The following SH3GL3 variants were observed in gnomAD, a reference collection of about 807,000 sequenced individuals.
SH3GL3 encodes the protein endophilin-A3.
SH3GL3 carries 33 observed loss-of-function variants against 47.7 expected under a neutral mutation model. That is an observed-to-expected ratio of 0.69 (90% CI 0.52 to 0.92). The LOEUF is 0.92. Among genes scored for constraint, SH3GL3 ranks in the 40% least tolerant of loss-of-function variants. The pLI is 0.00. For synonymous variants in SH3GL3, 155 were observed against 148.8 expected (o/e 1.04, Z -0.30); for missense variants, 363 against 417.8 (o/e 0.87, Z 1.14).
chr15:83,597,538 A>G (rs1043276351), intron 8 of SH3GL3, among the ~76,000 whole-genome samples: 5 of 151,798 alleles, frequency 3.3e-5, no homozygotes, highest in African/African-American at 1.2e-4. Flanking sequence ...TAGACCTTTC[A>G]TATTCCTCTG....
chr15:83,586,023 G>A (rs1239938162), intron 6 of SH3GL3, among the ~76,000 whole-genome samples: 1 of 152,234 alleles, frequency 6.6e-6, no homozygotes, highest in African/African-American at 2.4e-5. Flanking sequence ...AGAAAATGAA[G>A]TATGGAAATG....
intron 1 of SH3GL3, among the ~76,000 whole-genome samples, chr15:83,549,221 A>G (rs529133409): frequency 9.9e-5 from 15 of 152,282 alleles, no homozygotes; most frequent in Admixed American, 7.8e-4. Context: ...CAATACTGGG[A>G]TTACCTGTTG....
intron 1 of SH3GL3, among the ~76,000 whole-genome samples, chr15:83,531,946 T>C (rs2043693458): frequency 6.6e-6 from 1 of 152,166 alleles, no homozygotes; most frequent in African/African-American, 2.4e-5. Flanking sequence ...GGTTTTTATT[T>C]GGAAGGTGTT....
At chr15:83,598,922 GATGTA>G (rs1401734822) in intron 8 of SH3GL3, among the ~76,000 whole-genome samples, 19 of 152,198 alleles carry the variant, frequency 1.2e-4, no homozygotes, top group Admixed American at 1.1e-3. Flanking sequence ...TACATTTTTT[GATGTA>G]ATGTTTCAGT....
At chr15:83,582,256 A>G (rs926044457) in intron 6 of SH3GL3, among the ~76,000 whole-genome samples, 6 of 152,202 alleles carry the variant, frequency 3.9e-5, no homozygotes, top group African/African-American at 9.6e-5. Flanking sequence ...GAAGATGCCT[A>G]TTTCAGTCCA....
intron 1 of SH3GL3, among the ~76,000 whole-genome samples, chr15:83,556,908 A>C (rs1468442640): frequency 1.3e-5 from 2 of 152,168 alleles, no homozygotes; most frequent in Non-Finnish European, 2.9e-5. Context: ...GGGATGGCTG[A>C]TCTCTGATCC....
intron 1 of SH3GL3, among the ~76,000 whole-genome samples, chr15:83,465,521 A>C (rs2040531903): frequency 6.6e-6 from 1 of 151,814 alleles, no homozygotes; most frequent in Non-Finnish European, 1.5e-5. Flanking sequence ...TATTCTAAGA[A>C]AGGTCATTCT....
chr15:83,486,789 G>A (rs1487919838), intron 1 of SH3GL3, among the ~76,000 whole-genome samples: 1 of 152,136 alleles, frequency 6.6e-6, no homozygotes, highest in Admixed American at 6.5e-5. Flanking sequence ...AGTTATGGAG[G>A]CTGGGAAGTC....
At chr15:83,602,620 A>G (rs575998341) in intron 8 of SH3GL3, among the ~76,000 whole-genome samples, 1 of 152,312 alleles carries the variant, frequency 6.6e-6, no homozygotes, top group African/African-American at 2.4e-5. Context: ...TTAAGTTTCA[A>G]CAGATGAGTT....
intron 8 of SH3GL3, among the ~76,000 whole-genome samples, chr15:83,613,263 A>T (rs1426147023): frequency 6.6e-6 from 1 of 152,220 alleles, no homozygotes; most frequent in Admixed American, 6.5e-5. Context: ...TGCCTGAGTC[A>T]GGGAGTTCTT....
chr15:83,565,376 A>G (rs1186312954), intron 3 of SH3GL3, 170 bp downstream of exon 3: 2 of 598,568 alleles, frequency 3.3e-6, no homozygotes, highest in African/African-American at 1.9e-5. Context: ...ATTCGGTCCT[A>G]CTGATGAGAA....
the SH3GL3 span, among the ~76,000 whole-genome samples, chr15:83,631,241 C>A: frequency 1.3e-5 from 2 of 152,220 alleles, no homozygotes; most frequent in Non-Finnish European, 2.9e-5. Flanking sequence ...AGGTATAGCA[C>A]CCCTCCTGGC....
intron 1 of SH3GL3, among the ~76,000 whole-genome samples, chr15:83,552,154 C>G (rs1344466836): frequency 6.6e-6 from 1 of 152,142 alleles, no homozygotes; most frequent in Non-Finnish European, 1.5e-5. Flanking sequence ...AGTGACTGAT[C>G]TTTGCATCTC....
chr15:83,541,351 T>TTTTTTG (rs2151701576), intron 1 of SH3GL3, among the ~76,000 whole-genome samples: 1 of 107,350 alleles, frequency 9.3e-6, no homozygotes, highest in Non-Finnish European at 1.8e-5. Flanking sequence ...TTTTTTTTTT[T>TTTTTTG]GAGACGGAGT....
intron 8 of SH3GL3, among the ~76,000 whole-genome samples, chr15:83,614,418 G>A (rs2060757304): frequency 6.6e-6 from 1 of 152,160 alleles, no homozygotes; most frequent in African/African-American, 2.4e-5. Flanking sequence ...GAGTTTCAAA[G>A]TCACGACCCA....
At chr15:83,613,057 C>T (rs2060713814) in intron 8 of SH3GL3, among the ~76,000 whole-genome samples, 1 of 152,216 alleles carries the variant, frequency 6.6e-6, no homozygotes, top group Admixed American at 6.5e-5. Context: ...GGGTTGAGGG[C>T]CCCAGGCAAC....
At chr15:83,535,145 T>C (rs552492370) in intron 1 of SH3GL3, among the ~76,000 whole-genome samples, 3 of 152,282 alleles carry the variant, frequency 2.0e-5, no homozygotes, top group African/African-American at 7.2e-5. Context: ...ATACAGTTTT[T>C]TTATTTAAAA....
rs571748862 is a variant in SH3GL3, at chr15:83,450,292, G to A, written c.45+2714G>A. ...GAAATATATCTCAATAAAGTGATAC[G>A]AATATGTCTCTGTGTCTCTGGGTGT... On this transcript the variant is annotated intron_variant, in intron 1 of 8. Transcript: ENST00000427482. 2.6e-5 allele frequency among the ~76,000 whole-genome samples: 4 copies of A among 152,268 alleles called. No homozygotes were observed. In the East Asian group the frequency reaches 7.7e-4, roughly 29 times the overall value.
chr15:83,570,032 T>C (rs2151765063), intron 4 of SH3GL3, among the ~76,000 whole-genome samples: 1 of 148,614 alleles, frequency 6.7e-6, no homozygotes, highest in Middle Eastern at 3.4e-3. Context: ...TCTTTAGTCT[T>C]CCTATATGGT....
Sources: allele counts gnomAD v4.1 joint callset (sites outside exome capture counted in the v4.1 genomes callset), GRCh38; gene constraint gnomAD v4.1.1; transcripts MANE v1.5; gene names NCBI Gene and HGNC (gene_info 2026-07-23, HGNC 2026-07-21).